Variants in DAB1 observed in about 807,000 individuals in gnomAD.
DAB1 encodes the protein disabled homolog 1.
In DAB1, 15 loss-of-function variants were observed where a neutral mutation model predicts 64.6. The observed-to-expected ratio is 0.23, with a 90% CI of 0.16 to 0.36. The LOEUF is 0.36. Among genes scored for constraint, DAB1 ranks in the 10% least tolerant of loss-of-function variants. DAB1 has a pLI of 1.00. For synonymous variants in DAB1, 235 were observed against 251.9 expected, an observed-to-expected ratio of 0.93 and a Z score of 0.64; for missense variants, 596 against 706.7, an observed-to-expected ratio of 0.84 and a Z score of 1.78.
At chr1:58,238,038 C>T (rs1557709008) in intron 4 of DAB1, among the ~76,000 whole-genome samples, 1 of 152,196 alleles carries the variant, frequency 6.6e-6, no homozygotes, top group Non-Finnish European at 1.5e-5. Context: ...GTTCTAACTT[C>T]AAAGCCCATG....
At chr1:58,123,943 A>G (rs895217546) in intron 5 of DAB1, among the ~76,000 whole-genome samples, 1 of 152,152 alleles carries the variant, frequency 6.6e-6, no homozygotes, top group Non-Finnish European at 1.5e-5. Context: ...TTGGTGCAAG[A>G]CAGTCAGTGT....
chr1:57,403,093 C>A (rs189007454), intron 1 of DAB1, among the ~76,000 whole-genome samples: 2 of 152,202 alleles, frequency 1.3e-5, no homozygotes, highest in Admixed American at 1.3e-4. Context: ...CTAGTCCATA[C>A]ATTTTGGTGG....
intron 5 of DAB1, among the ~76,000 whole-genome samples, chr1:58,000,969 C>G (rs1646498735): frequency 6.6e-6 from 1 of 152,070 alleles, no homozygotes; most frequent in Admixed American, 6.6e-5. Flanking sequence ...TTGCTCTCAT[C>G]ATCTTCCCTT....
chr1:58,183,939 G>T (rs1368001073), intron 4 of DAB1, among the ~76,000 whole-genome samples: 1 of 151,020 alleles, frequency 6.6e-6, no homozygotes, highest in East Asian at 2.0e-4. Flanking sequence ...ATTATTTCAA[G>T]TTGGCTTTTC....
chr1:57,180,609 A>G (rs1662813239), intron 2 of DAB1, among the ~76,000 whole-genome samples: 1 of 152,108 alleles, frequency 6.6e-6, no homozygotes, highest in Non-Finnish European at 1.5e-5. Context: ...CTAGATAACA[A>G]TGACAAAATA....
intron 7 of DAB1, among the ~76,000 whole-genome samples, chr1:57,449,962 C>G (rs1408297724): frequency 6.6e-6 from 1 of 152,184 alleles, no homozygotes; most frequent in Admixed American, 6.5e-5. Flanking sequence ...GCTAACAAGA[C>G]AGCTATGAGC....
At chr1:58,304,273 T>C (rs1031399843) in intron 4 of DAB1, among the ~76,000 whole-genome samples, 1 of 152,166 alleles carries the variant, frequency 6.6e-6, no homozygotes, top group Non-Finnish European at 1.5e-5. Flanking sequence ...TTTTACCTGC[T>C]GGGACCATGG....
At chr1:57,261,931 A>C (rs1305767012) in intron 2 of DAB1, among the ~76,000 whole-genome samples, 2 of 152,222 alleles carry the variant, frequency 1.3e-5, no homozygotes, top group Non-Finnish European at 2.9e-5. Flanking sequence ...TTTGTTATTT[A>C]TCATTCATCT....
chr1:58,142,849 C>G (rs1468671665), intron 5 of DAB1, among the ~76,000 whole-genome samples: 1 of 152,232 alleles, frequency 6.6e-6, no homozygotes, highest in Non-Finnish European at 1.5e-5. Flanking sequence ...ATGTCTCCAT[C>G]TTAATGCCTC....
intron 7 of DAB1, among the ~76,000 whole-genome samples, chr1:57,436,136 C>G (rs893482919): frequency 6.6e-6 from 1 of 151,894 alleles, no homozygotes; most frequent in Admixed American, 6.6e-5. Context: ...AGGCTGGTCT[C>G]GAACTCCTGA....
rs538525591 is a variant in DAB1 at position 58,266,413 on chromosome 1, G to A, written n.309+76939C>T. ...TGCTGCCAGGAAACAGCAGTTCCAC[G>A]AGTAGAACAGAAGCACCCAGTCAGC... On this transcript the variant is annotated intron_variant and non_coding_transcript_variant, in intron 4 of 20. Transcript: ENST00000485760. Among the ~76,000 whole-genome samples the A allele has an allele frequency of 5.9e-5, 9 of 152,258 alleles. No individual in the cohort carries two copies. In the South Asian group the frequency reaches 6.2e-4, roughly 11 times the overall value.
chr1:58,099,656 A>G (rs1651193223), intron 5 of DAB1, among the ~76,000 whole-genome samples: 1 of 152,226 alleles, frequency 6.6e-6, no homozygotes, highest in African/African-American at 2.4e-5. Context: ...CCACAGGCTA[A>G]AAGTCAGTCT....
At chr1:58,520,680 GA>G (rs1646247864) in intron 2 of DAB1, among the ~76,000 whole-genome samples, 1 of 151,954 alleles carries the variant, frequency 6.6e-6, no homozygotes, top group African/African-American at 2.4e-5. Context: ...ATACTAAAAG[GA>G]AAAAGTGGAC....
At chr1:57,063,232 T>C (rs550344995) in intron 8 of DAB1, among the ~76,000 whole-genome samples, 3 of 151,538 alleles carry the variant, frequency 2.0e-5, no homozygotes, top group Non-Finnish European at 4.4e-5. Flanking sequence ...ACTTCAGAAG[T>C]CATGCGGTAA....
chr1:57,536,943 C>T (rs775396337), intron 7 of DAB1, among the ~76,000 whole-genome samples: 6 of 152,160 alleles, frequency 3.9e-5, no homozygotes, highest in South Asian at 4.1e-4. Context: ...CAGAGGTGAA[C>T]AACAGAGAGC....
chr1:57,693,745 A>G (rs1035810086), intron 6 of DAB1, among the ~76,000 whole-genome samples: 2 of 152,132 alleles, frequency 1.3e-5, no homozygotes, highest in African/African-American at 4.8e-5. Context: ...CGAGACCACA[A>G]ACTCACCAGA....
intron 6 of DAB1, among the ~76,000 whole-genome samples, chr1:57,721,314 G>C (rs1265793349): frequency 6.6e-6 from 1 of 152,142 alleles, no homozygotes; most frequent in Non-Finnish European, 1.5e-5. Flanking sequence ...TGTATACAGA[G>C]AAGCAAACTA....
chr1:57,004,568 A>G (rs975031270), intron 14 of DAB1, among the ~76,000 whole-genome samples: 2 of 152,240 alleles, frequency 1.3e-5, no homozygotes, highest in African/African-American at 4.8e-5. Flanking sequence ...TAAAGCTGGA[A>G]GGTGAGTCAA....
intron 6 of DAB1, among the ~76,000 whole-genome samples, chr1:57,650,078 T>G (rs2101653686): frequency 6.6e-6 from 1 of 152,352 alleles, no homozygotes. Flanking sequence ...GGAGAAAATG[T>G]TGAGTCTTAA....
Sources: gnomAD v4.1 joint callset for allele counts (sites outside exome capture counted in the v4.1 genomes callset) on GRCh38, gnomAD v4.1.1 for gene constraint, MANE v1.5 for transcripts, NCBI Gene and HGNC (gene_info 2026-07-23, HGNC 2026-07-21) for gene names.